Variants in HYAL4 observed in about 807,000 individuals in gnomAD.
HYAL4 encodes the protein hyaluronidase-4.
Under a neutral mutation model 35.2 loss-of-function variants are expected in HYAL4, and 37 were observed. The observed-to-expected ratio is 1.05, with a 90% CI of 0.81 to 1.38. The LOEUF (loss-of-function observed/expected upper bound fraction) is 1.38. Among genes scored for constraint, HYAL4 ranks in the 40% most tolerant of loss-of-function variants. HYAL4 has a pLI of 0.00. For missense variants in HYAL4, 572 were observed against 572.4 expected (o/e 1.00, Z 0.01); for synonymous variants, 198 against 203.2 (o/e 0.97, Z 0.22).
the HYAL4 span, among the ~76,000 whole-genome samples, chr7:123,781,239 G>A: frequency 5.8e-5 from 4 of 68,906 alleles, no homozygotes; most frequent in East Asian, 3.3e-4. Context: ...TGGGACCTGC[G>A]GGCAGCAATA....
At chr7:123,814,295 G>A in the HYAL4 span, 1 of 152,582 alleles carries the variant, frequency 6.6e-6, no homozygotes, top group African/African-American at 2.4e-5. Context: ...TTCCTTCAAC[G>A]TGGATATAAA....
chr7:123,810,563 CTTG>C, the HYAL4 span, among the ~76,000 whole-genome samples: 1 of 152,186 alleles, frequency 6.6e-6, no homozygotes, highest in South Asian at 2.1e-4. Flanking sequence ...AGTAGAGAGA[CTTG>C]TTGTATACTC....
At chr7:123,812,552 A>C in the HYAL4 span, among the ~76,000 whole-genome samples, 1 of 152,206 alleles carries the variant, frequency 6.6e-6, no homozygotes, top group Non-Finnish European at 1.5e-5. Flanking sequence ...ACATAATGAA[A>C]ATCTCCTAGA....
At chr7:123,844,443 C>A (rs894077859), upstream of HYAL4, 1 of 152,174 alleles carries the variant, frequency 6.6e-6, no homozygotes, top group Admixed American at 6.5e-5. Context: ...AGTTGTCTGT[C>A]CACCTCTACT....
chr7:123,822,094 GTTC>G, the HYAL4 span, among the ~76,000 whole-genome samples: 1 of 152,044 alleles, frequency 6.6e-6, no homozygotes. Flanking sequence ...CTCCAGTTTT[GTTC>G]TTCTTTCTCA....
At chr7:123,876,131 A>G (rs2116971290) in intron 4 of HYAL4, 1 of 443,276 alleles carries the variant, frequency 2.3e-6, no homozygotes, top group Admixed American at 2.6e-5. Flanking sequence ...TAGGAACCAT[A>G]TACACAAAAG....
chr7:123,823,689 T>C, the HYAL4 span, among the ~76,000 whole-genome samples: 1 of 147,080 alleles, frequency 6.8e-6, no homozygotes. Flanking sequence ...AAGTTATATA[T>C]ACACACACAT....
the HYAL4 span, among the ~76,000 whole-genome samples, chr7:123,779,855 C>T: frequency 6.6e-6 from 1 of 152,010 alleles, no homozygotes; most frequent in Non-Finnish European, 1.5e-5. Flanking sequence ...TATGAGTACT[C>T]ATTATCTATT....
the HYAL4 span, among the ~76,000 whole-genome samples, chr7:123,776,851 G>A: frequency 6.6e-6 from 1 of 152,124 alleles, no homozygotes; most frequent in South Asian, 2.1e-4. Context: ...GCAGATTTGG[G>A]ATATATTAGG....
upstream of HYAL4, among the ~76,000 whole-genome samples, chr7:123,841,725 G>T (rs1009209231): frequency 6.6e-6 from 1 of 151,722 alleles, no homozygotes; most frequent in African/African-American, 2.4e-5. Context: ...GTCTTGGGAG[G>T]GTGTATATGT....
chr7:123,807,104 A>C, the HYAL4 span, among the ~76,000 whole-genome samples: 1 of 152,210 alleles, frequency 6.6e-6, no homozygotes, highest in Non-Finnish European at 1.5e-5. Flanking sequence ...TTATTTCTGA[A>C]GGAGTTATAA....
chr7:123,837,338 C>T (rs1805979975), intron 1 of HYAL4, among the ~76,000 whole-genome samples: 1 of 152,094 alleles, frequency 6.6e-6, no homozygotes, highest in Non-Finnish European at 1.5e-5. Context: ...TCTTAAGATT[C>T]TTTCCTGCAT....
At chr7:123,810,341 C>T in the HYAL4 span, among the ~76,000 whole-genome samples, 1 of 152,046 alleles carries the variant, frequency 6.6e-6, no homozygotes, top group Admixed American at 6.5e-5. Context: ...AAAAAAAACC[C>T]GTGTTACTTC....
the HYAL4 span, among the ~76,000 whole-genome samples, chr7:123,798,486 C>G: frequency 6.6e-6 from 1 of 152,176 alleles, no homozygotes; most frequent in African/African-American, 2.4e-5. Flanking sequence ...TTTCAAACCA[C>G]AAAATGTAAA....
the HYAL4 span, among the ~76,000 whole-genome samples, chr7:123,812,214 T>G: frequency 2.0e-5 from 3 of 152,156 alleles, no homozygotes; most frequent in Non-Finnish European, 4.4e-5. Flanking sequence ...GCTACTTGCC[T>G]GAAACATATC....
At chr7:123,778,029 A>C in the HYAL4 span, among the ~76,000 whole-genome samples, 1 of 152,044 alleles carries the variant, frequency 6.6e-6, no homozygotes, top group South Asian at 2.1e-4. Context: ...CTTATTTTGA[A>C]ATAATTTTGT....
At chr7:123,856,566 C>A (rs943987594) in intron 2 of HYAL4, among the ~76,000 whole-genome samples, 1 of 152,162 alleles carries the variant, frequency 6.6e-6, no homozygotes, top group Non-Finnish European at 1.5e-5. Flanking sequence ...CCTCTGGAAG[C>A]TTTATCCCAA....
At chr7:123,869,289 T>G in intron 3 of HYAL4, 62 bp downstream of exon 3, 2 of 1,089,818 alleles carry the variant, frequency 1.8e-6, no homozygotes, top group Non-Finnish European at 2.6e-6. Context: ...GACATTTCTT[T>G]GTTAATTATG....
upstream of HYAL4, among the ~76,000 whole-genome samples, chr7:123,841,239 A>T (rs1325906523): frequency 1.3e-5 from 2 of 151,920 alleles, no homozygotes; most frequent in East Asian, 1.9e-4. Flanking sequence ...ACATATATTG[A>T]GATAATCATA....
Sources: allele counts gnomAD v4.1 joint callset (sites outside exome capture counted in the v4.1 genomes callset), GRCh38; gene constraint gnomAD v4.1.1; transcripts MANE v1.5; gene names NCBI Gene and HGNC (gene_info 2026-07-23, HGNC 2026-07-21).